Variants in GPRASP3 observed in about 807,000 individuals in gnomAD.
GPRASP3 encodes the protein G protein-coupled receptor associated sorting protein 3.
At chrX:102,750,051 T>C in the GPRASP3 span, 1 of 1,202,881 alleles carries the variant, frequency 8.3e-7, no homozygotes, top group East Asian at 3.0e-5. Flanking sequence ...GTGTCCATAA[T>C]GTTCACCCAT....
chrX:102,747,979 C>A, the GPRASP3 span: 1 of 111,888 alleles, frequency 8.9e-6, no homozygotes, highest in Non-Finnish European at 1.9e-5. Context: ...TGGGTTAGAC[C>A]AGATCATATC....
the GPRASP3 span, among the ~76,000 whole-genome samples, chrX:102,742,141 G>T: frequency 8.9e-6 from 1 of 112,138 alleles, no homozygotes; most frequent in South Asian, 3.7e-4. Context: ...AACCACCTTT[G>T]CAAAAATTAT....
the GPRASP3 span, among the ~76,000 whole-genome samples, chrX:102,728,566 CTGCTTTTTT>C: frequency 4.7e-4 from 44 of 92,907 alleles, no homozygotes; most frequent in African/African-American, 1.7e-3. Context: ...GCAATGTGCA[CTGCTTTTTT>C]TTTTTTTTTT....
At chrX:102,750,706 A>AG in the GPRASP3 span, 1 of 879,762 alleles carries the variant, frequency 1.1e-6, no homozygotes, top group South Asian at 3.7e-5. Flanking sequence ...TACAGTGTAC[A>AG]CATTATACAC....
chrX:102,752,927 A>G, the GPRASP3 span: 1 of 120,565 alleles, frequency 8.3e-6, no homozygotes, highest in Non-Finnish European at 1.9e-5. Flanking sequence ...ATGCCACCAC[A>G]TCCGACTAAT....
At chrX:102,748,945 A>G in the GPRASP3 span, 2 of 1,140,423 alleles carry the variant, frequency 1.8e-6, no homozygotes, top group Admixed American at 2.8e-5. Context: ...CCTAGGACAC[A>G]TTGAGAACCA....
chrX:102,726,518 C>T, the GPRASP3 span, among the ~76,000 whole-genome samples: 1 of 111,536 alleles, frequency 9.0e-6, no homozygotes, highest in Non-Finnish European at 1.9e-5. Flanking sequence ...ATGCCCATCA[C>T]AGTACTTATT....
the GPRASP3 span, among the ~76,000 whole-genome samples, chrX:102,744,157 C>A: frequency 4.5e-5 from 5 of 111,836 alleles, no homozygotes; most frequent in African/African-American, 1.6e-4. Flanking sequence ...AGCTTGAAGG[C>A]CAAAGGCAAG....
At chrX:102,724,097 A>G in the GPRASP3 span, among the ~76,000 whole-genome samples, 1 of 111,701 alleles carries the variant, frequency 9.0e-6, no homozygotes, top group Non-Finnish European at 1.9e-5. Context: ...ATGAAACCTC[A>G]TAATGTCATA....
At chrX:102,751,725 A>C in the GPRASP3 span, 1 of 123,384 alleles carries the variant, frequency 8.1e-6, no homozygotes, top group Admixed American at 9.5e-5. Flanking sequence ...ATTCTGAGGT[A>C]AATAGATGGA....
the GPRASP3 span, among the ~76,000 whole-genome samples, chrX:102,745,137 AG>A: frequency 1.8e-5 from 2 of 111,035 alleles, no homozygotes; most frequent in Non-Finnish European, 3.8e-5. Context: ...CTCTCCTCCC[AG>A]AACAGTGGAG....
At chrX:102,726,842 C>T in the GPRASP3 span, among the ~76,000 whole-genome samples, 1 of 112,755 alleles carries the variant, frequency 8.9e-6, no homozygotes, top group Admixed American at 9.3e-5. Context: ...TAATGTACCT[C>T]TGGACCTCCT....
At chrX:102,725,340 C>T in the GPRASP3 span, among the ~76,000 whole-genome samples, 1 of 111,591 alleles carries the variant, frequency 9.0e-6, no homozygotes, top group Admixed American at 9.5e-5. Context: ...CACATGCTGT[C>T]CCTTCAATCT....
the GPRASP3 span, among the ~76,000 whole-genome samples, chrX:102,726,303 G>A: frequency 2.6e-4 from 29 of 112,565 alleles, no homozygotes; most frequent in African/African-American, 7.1e-4. Flanking sequence ...TCTATGCTAT[G>A]TCTATATTCC....
the GPRASP3 span, among the ~76,000 whole-genome samples, chrX:102,743,768 G>A: frequency 1.3e-4 from 14 of 109,554 alleles, no homozygotes; most frequent in African/African-American, 4.7e-4. Flanking sequence ...AATCATAGGG[G>A]TGTGGGAAAT....
the GPRASP3 span, among the ~76,000 whole-genome samples, chrX:102,746,927 C>T: frequency 4.5e-5 from 5 of 112,323 alleles, no homozygotes; most frequent in African/African-American, 6.5e-5. Flanking sequence ...AGTATTTTTC[C>T]ACCTTTCTTG....
At chrX:102,750,280 C>A in the GPRASP3 span, 1 of 1,206,374 alleles carries the variant, frequency 8.3e-7, no homozygotes, top group Non-Finnish European at 1.1e-6. Context: ...ATTAAAGATA[C>A]TAGGACAACT....
the GPRASP3 span, among the ~76,000 whole-genome samples, chrX:102,733,705 CCT>C: frequency 1.8e-5 from 2 of 108,893 alleles, no homozygotes; most frequent in Non-Finnish European, 3.8e-5. Context: ...TCAGTTAACC[CCT>C]GTTCTGCTTG....
chrX:102,736,647 C>T, the GPRASP3 span, among the ~76,000 whole-genome samples: 2 of 111,125 alleles, frequency 1.8e-5, no homozygotes, highest in African/African-American at 6.5e-5. Context: ...CATTTCATTG[C>T]AAAGTGATCC....
Sources: gnomAD v4.1 joint callset for allele counts (sites outside exome capture counted in the v4.1 genomes callset) on GRCh38, gnomAD v4.1.1 for gene constraint, MANE v1.5 for transcripts, NCBI Gene and HGNC (gene_info 2026-07-23, HGNC 2026-07-21) for gene names.